The following AMN variants were observed in gnomAD, a reference collection of about 807,000 sequenced individuals.
AMN encodes amnion associated transmembrane protein, also known as protein amnionless.
AMN carries 40 observed loss-of-function variants against 49.1 expected under a neutral mutation model. The observed-to-expected ratio is 0.81, with a 90% CI of 0.63 to 1.06. The LOEUF is 1.06. Ranked by LOEUF, AMN falls within the 50% of genes least tolerant of loss-of-function variation. AMN has a pLI of 0.00. For synonymous variants in AMN, 380 were observed against 313.3 expected, an observed-to-expected ratio of 1.21 and a Z score of -2.25; for missense variants, 701 against 662.8, an observed-to-expected ratio of 1.06 and a Z score of -0.63.
In AMN at chr14:102,923,959, GGTCACGCC is replaced by G. The variant is rs1291232476; in HGVS notation, c.191_198del (p.His64LeufsTer42). 1 of 1,613,172 alleles carries G rather than the reference GGTCACGCC, an allele frequency of 6.2e-7. No homozygotes were observed. The highest frequency in any genetic ancestry group is 2.2e-5 in the East Asian group (1 of 44,888). On this transcript the variant is annotated frameshift_variant, in exon 3 of 12. Coordinates refer to ENST00000299155, the MANE Select transcript of AMN (RefSeq NM_030943.4). LOFTEE classifies it high-confidence loss of function. ...GATGGTGTCAGTCCTGGTGCAAGAA[GGTCACGCC>G]GTCTCAGACATGGTAAGGCCGGGCT... is the stretch of plus-strand genomic sequence containing the variant.
Position 102,928,465 on chromosome 14 carries a change from G to A in AMN, c.247G>A (p.Ala83Thr). The A allele has an allele frequency of 1.9e-6, 3 of 1,609,662 alleles. No individual in the cohort carries two copies. Among genetic ancestry groups the A allele is most frequent in the African/African-American group, 2.7e-5 (2 of 74,996 alleles). Residue 83 changes from alanine (A) to threonine (T), a missense_variant, in exon 4 of 12, where the codon GCC becomes ACC. Physicochemically the swap from Ala to Thr is moderately conservative, Grantham distance 58. Transcript: ENST00000299155. ...TGGGGAACTCGTCCTGGCTTCAGGA[G>A]CCGGATTCGGCGTCTCAGACGTGGG... ...LDGELVLASG[A>T]GFGVSDVGSH...
Position 102,923,728 on chromosome 14 carries a change from T to C in AMN, c.61T>C (p.Ser21Pro), listed in dbSNP as rs1225167741. 9 of 1,612,752 alleles carry C rather than the reference T, an allele frequency of 5.6e-6. No individual in the cohort carries two copies. Among genetic ancestry groups the C allele is most frequent in the South Asian group, 4.4e-5 (4 of 91,084 alleles). The change falls in exon 2 of 12, where the codon TCC becomes CCC. Residue 21 changes from serine to proline, a missense_variant. Coordinates refer to ENST00000299155, the MANE Select transcript of AMN (RefSeq NM_030943.4). ...CTCCCCAGCACTGACCCAGGCGGTC[T>C]CCAAACTCTGGGTCCCCAACACGGA... is the stretch of plus-strand genomic sequence containing the variant. ...LQLCALTQAV[S>P]KLWVPNTDFD... is the part of the protein sequence containing the mutation.
Position 102,930,300 on chromosome 14 carries a change from C to A in AMN, c.1142C>A (p.Pro381Gln). 1 of 1,365,466 alleles carries A rather than the reference C, an allele frequency of 7.3e-7. No individual in the cohort carries two copies. Among genetic ancestry groups the A allele is most frequent in the Non-Finnish European group, 9.4e-7 (1 of 1,067,382 alleles). 84.6% of individuals were successfully genotyped at this position (1,365,466 alleles called of 1,614,324 possible). A position where few individuals can be genotyped will look rare whatever the true frequency, so the allele number is the denominator to read the frequency against. The part of the protein sequence containing the change: ...LALLVLLVAP[P>Q]LLRRAGRLRW... ...CTGCTGGTCCTGCTGGTGGCGCCGC[C>A]GCTGCTGCGCCGCGCGGGGAGGCTC... Residue 381 changes from proline to glutamine, a missense_variant, in exon 10 of 12, where the codon CCG becomes CAG. Pro to Gln is a moderately conservative substitution (Grantham distance 76). Transcript: ENST00000299155.
In AMN at chr14:102,929,728, C is replaced by T; in HGVS notation, c.834C>T (p.Phe278=). ...ERYRARILDT[F]LGLPQYHGLQ... ...ACCGGGCGCGGATACTGGACACCTTCCTGGGTCTGGTAATGGGGCCGCGCG... is the reference window on the plus strand; with the variant it reads ...ACCGGGCGCGGATACTGGACACCTTTCTGGGTCTGGTAATGGGGCCGCGCG... The change falls in exon 8 of 12, where the codon TTC becomes TTT. Residue 278 remains phenylalanine, a synonymous_variant. Transcript: ENST00000299155. The T allele has an allele frequency of 6.4e-7, 1 of 1,550,598 alleles. No individual in the cohort carries two copies. Among genetic ancestry groups the T allele is most frequent in the Non-Finnish European group, 8.7e-7 (1 of 1,147,448 alleles).
At position 102,930,333 on chromosome 14, in the gene AMN, C is replaced by A; in HGVS notation, c.1169+6C>A. On this transcript the variant is annotated splice_donor_region_variant and intron_variant, in intron 10 of 11. Transcript: ENST00000299155. ...CGCCGCGCGGGGAGGCTCAGGTACG[C>A]GGGGCGGGGGCGCGGAGGTGGGGCT... is the stretch of plus-strand genomic sequence containing the variant. The A allele has an allele frequency of 7.2e-7, 1 of 1,395,006 alleles. No individual in the cohort carries two copies. Among genetic ancestry groups the A allele is most frequent in the Non-Finnish European group, 9.2e-7 (1 of 1,082,434 alleles). 86.4% of individuals were successfully genotyped at this position (1,395,006 alleles called of 1,614,324 possible).
chr14:102,930,392 C>T lies in AMN; in HGVS notation c.1170-14C>T. The T allele has an allele frequency of 4.6e-6, 7 of 1,508,522 alleles. No individual in the cohort carries two copies. The highest frequency in any genetic ancestry group is 6.2e-6 in the Non-Finnish European group (7 of 1,135,024). The allele number at this position is 1,508,522 out of a possible 1,614,324, so 93.4% of individuals were successfully genotyped here. Reference sequence around the variant, plus strand: ...CTCCGAGGGGCTCACGCTGCGTCCCCGCTACGCCCTCAGGTGGAGGAGGCA... The same window carrying T: ...CTCCGAGGGGCTCACGCTGCGTCCCTGCTACGCCCTCAGGTGGAGGAGGCA... On this transcript the variant is annotated splice_polypyrimidine_tract_variant and intron_variant, in intron 10 of 11. Coordinates refer to ENST00000299155, the MANE Select transcript of AMN (RefSeq NM_030943.4).
At chr14:102,924,948 G>T (rs1456058583) in intron 3 of AMN, among the ~76,000 whole-genome samples, 1 of 152,184 alleles carries the variant, frequency 6.6e-6, no homozygotes, top group East Asian at 1.9e-4. Flanking sequence ...AAAAATATAT[G>T]ACATTCACAC....
At chr14:102,928,655 A>G in intron 4 of AMN, 103 bp from the exon 5 acceptor site, 1 of 1,506,182 alleles carries the variant, frequency 6.6e-7, no homozygotes, top group South Asian at 1.2e-5. Context: ...AGTGTCCCGA[A>G]GCGGGGCTTG....
chr14:102,924,827 G>C (rs1891151008), intron 3 of AMN, among the ~76,000 whole-genome samples: 1 of 152,200 alleles, frequency 6.6e-6, no homozygotes, highest in Admixed American at 6.5e-5. Context: ...CTTGTTTAAG[G>C]TGGAGTTCCG....
In AMN at chr14:102,929,974, C is replaced by T. The variant is rs1411723744; in HGVS notation, c.894C>T (p.Ser298=). 1.9e-5 allele frequency: 30 copies of T among 1,564,924 alleles called. No homozygotes were observed. Among genetic ancestry groups the T allele is most frequent in the Non-Finnish European group, 2.5e-5 (29 of 1,155,810 alleles). The change falls in exon 9 of 12, where the codon TCC becomes TCT. Residue 298 remains serine, a synonymous_variant. Coordinates refer to ENST00000299155, the MANE Select transcript of AMN (RefSeq NM_030943.4). ...CCGTGTCCAAGGTGCCACGCTCGTC[C>T]CGGCTCCGTGAGGCCGATACGGAGA... is the stretch of plus-strand genomic sequence containing the variant. The part of the protein sequence containing the change: ...QVAVSKVPRS[S]RLREADTEIQ...
At position 102,922,685 on chromosome 14, in the gene AMN, C is replaced by T. The variant is rs757797348; in HGVS notation, c.-4C>T. The T allele has an allele frequency of 2.1e-5, 33 of 1,599,448 alleles. No homozygotes were observed. The highest frequency in any genetic ancestry group is 1.2e-5 in the Non-Finnish European group (14 of 1,175,914). ...CCTGGTGGGGTGCAAGGAGCCGAGG[C>T]GAGATGGGCGTCCTGGGCCGGGTCC... On this transcript the variant is annotated 5_prime_UTR_variant, in exon 1 of 12. Transcript: ENST00000299155.
chr14:102,929,088 G>C, intron 5 of AMN, 33 bp from the exon 6 acceptor site: 2 of 1,597,570 alleles, frequency 1.3e-6, no homozygotes, highest in Non-Finnish European at 1.7e-6. Context: ...CTCTTCCTCG[G>C]GCTGGCTCCG....
chr14:102,924,081 G>A (rs1891133678), intron 3 of AMN, 102 bp downstream of exon 3: 2 of 1,522,626 alleles, frequency 1.3e-6, no homozygotes, highest in African/African-American at 1.4e-5. Flanking sequence ...CCGGCATGGA[G>A]GCACTGCAGG....
rs1480371494 is a variant in AMN, at chr14:102,930,716, C to A, written c.*36C>A. On this transcript the variant is annotated 3_prime_UTR_variant, in exon 12 of 12. Coordinates refer to ENST00000299155, the MANE Select transcript of AMN (RefSeq NM_030943.4). Reference sequence around the variant, plus strand: ...GACCGTCGACCTTGGGGCTCTCCACCCGCTCTGGCCCCAGTCGAACTGGGG... The same window carrying A: ...GACCGTCGACCTTGGGGCTCTCCACACGCTCTGGCCCCAGTCGAACTGGGG... 1.3e-6 allele frequency: 2 copies of A among 1,548,478 alleles called. No individual in the cohort carries two copies. The highest frequency in any genetic ancestry group is 1.9e-5 in the Admixed American group (1 of 51,776).
chr14:102,928,085 G>C (rs976168890), intron 3 of AMN, among the ~76,000 whole-genome samples: 1 of 152,170 alleles, frequency 6.6e-6, no homozygotes, highest in African/African-American at 2.4e-5. Context: ...TACGGGGGGA[G>C]GCGACAGGCC....
intron 1 of AMN, 138 bp downstream of exon 1, chr14:102,922,869 A>G: frequency 1.6e-6 from 2 of 1,223,858 alleles, no homozygotes; most frequent in African/African-American, 3.0e-5. Context: ...GGGGCGTGAA[A>G]CTCGGCCCTG....
In AMN at chr14:102,930,302, C is replaced by G; in HGVS notation, c.1144C>G (p.Leu382Val). The G allele has an allele frequency of 5.8e-6, 8 of 1,377,742 alleles. No homozygotes were observed. The South Asian group carries it at 1.4e-4, about 24-fold the overall frequency. The allele number at this position is 1,377,742 out of a possible 1,614,324, so 85.3% of individuals were successfully genotyped here. A position where few individuals can be genotyped will look rare whatever the true frequency, so the allele number is the denominator to read the frequency against. Residue 382 changes from leucine (L) to valine (V), a missense_variant, in exon 10 of 12, where the codon CTG (leucine) becomes GTG (valine). By Grantham distance (32) the Leu-to-Val change is conservative (BLOSUM62 1). Coordinates refer to ENST00000299155, the MANE Select transcript of AMN (RefSeq NM_030943.4). ...ALLVLLVAPP[L>V]LRRAGRLRWR... is the part of the protein sequence containing the mutation. ...GCTGGTCCTGCTGGTGGCGCCGCCG[C>G]TGCTGCGCCGCGCGGGGAGGCTCAG...
chr14:102,922,769 G>A (rs759036156), intron 1 of AMN, 38 bp downstream of exon 1: 18 of 1,561,456 alleles, frequency 1.2e-5, no homozygotes, highest in Admixed American at 1.9e-5. Flanking sequence ...CCGGACGGTA[G>A]CGGTCTGTCA....
chr14:102,922,699 T>A lies in AMN; in HGVS notation c.11T>A (p.Leu4Gln). Residue 4 changes from leucine (L) to glutamine (Q), a missense_variant, in exon 1 of 12, where the codon CTG becomes CAG. Leu to Gln is a moderately radical substitution (Grantham distance 113). Coordinates refer to ENST00000299155, the MANE Select transcript of AMN (RefSeq NM_030943.4). MGV[L>Q]GRVLLWLQLC... Reference sequence around the variant, plus strand: ...AGGAGCCGAGGCGAGATGGGCGTCCTGGGCCGGGTCCTGCTGTGGCTGCAG... The same window carrying A: ...AGGAGCCGAGGCGAGATGGGCGTCCAGGGCCGGGTCCTGCTGTGGCTGCAG... The A allele has an allele frequency of 6.3e-7, 1 of 1,598,888 alleles. No homozygotes were observed. Among genetic ancestry groups the A allele is most frequent in the Non-Finnish European group, 8.5e-7 (1 of 1,175,590 alleles).
Sources: allele counts gnomAD v4.1 joint callset (sites outside exome capture counted in the v4.1 genomes callset), GRCh38; gene constraint gnomAD v4.1.1; transcripts MANE v1.5; gene names NCBI Gene and HGNC (gene_info 2026-07-23, HGNC 2026-07-21).